MYO10: variants seen among roughly 807,000 people sequenced by gnomAD.
The protein encoded by MYO10 is unconventional myosin-X.
Under a neutral mutation model 257.3 loss-of-function variants are expected in MYO10, and 133 were observed. The observed-to-expected ratio is 0.52, with a 90% CI of 0.45 to 0.60. The LOEUF (loss-of-function observed/expected upper bound fraction) is 0.60. MYO10 is among the 20% of genes least tolerant of loss of function. The pLI is 0.00. For synonymous variants in MYO10, 1,104 were observed against 1,028.6 expected (o/e 1.07, Z -1.40); for missense variants, 2,399 against 2,635.7 (o/e 0.91, Z 1.97).
intron 2 of MYO10, among the ~76,000 whole-genome samples, chr5:16,860,193 T>C (rs994256661): frequency 6.6e-6 from 1 of 151,858 alleles, no homozygotes; most frequent in Non-Finnish European, 1.5e-5. Context: ...GGGAGAAAAA[T>C]GAGAGAAACA....
intron 2 of MYO10, among the ~76,000 whole-genome samples, chr5:16,867,657 G>T (rs1473780095): frequency 1.3e-5 from 2 of 152,316 alleles, no homozygotes; most frequent in East Asian, 3.9e-4. Context: ...GTCAGAGACG[G>T]CTTTAAGTGG....
Position 16,915,111 on chromosome 5 carries a change from C to T in MYO10, c.21+20677G>A, listed in dbSNP as rs145698574. Among the ~76,000 whole-genome samples the T allele has an allele frequency of 3.6e-3, 549 of 152,254 alleles. 4 individuals are homozygous for T. The highest frequency in any genetic ancestry group is 0.013 in the African/African-American group (530 of 41,534). On this transcript the variant is annotated intron_variant, in intron 1 of 40. Coordinates refer to ENST00000513610, the MANE Select transcript of MYO10 (RefSeq NM_012334.3). ...AAATGAAGAGGTGAGAATAGATGAT[C>T]GCTAATGGCCAACTGCAAAATAATA...
Position 16,935,833 on chromosome 5 carries a change from C to G in MYO10, c.-25G>C. On this transcript the variant is annotated 5_prime_UTR_variant, in exon 1 of 41. Transcript: ENST00000513610. ...TTGTTCCAGCGCAGTCCCGGACTCG[C>G]CGAGTGCCGCTCCGACTCGCGGAAG... is the stretch of plus-strand genomic sequence containing the variant. The G allele has an allele frequency of 1.2e-6, 2 of 1,612,164 alleles. No individual in the cohort carries two copies. Among genetic ancestry groups the G allele is most frequent in the Non-Finnish European group, 1.7e-6 (2 of 1,179,334 alleles).
chr5:16,802,546 A>ACT (rs950230160), intron 3 of MYO10, among the ~76,000 whole-genome samples: 1 of 151,030 alleles, frequency 6.6e-6, no homozygotes, highest in African/African-American at 2.4e-5. Context: ...AGTCCCAGCT[A>ACT]CTCAGGAGGC....
chr5:16,810,646 T>C (rs1742407824), intron 3 of MYO10, among the ~76,000 whole-genome samples: 1 of 152,058 alleles, frequency 6.6e-6, no homozygotes, highest in Non-Finnish European at 1.5e-5. Flanking sequence ...ATTTAAAAAT[T>C]AGCCAGGCGT....
chr5:16,804,020 T>C (rs1485347494), intron 3 of MYO10, among the ~76,000 whole-genome samples: 3 of 152,178 alleles, frequency 2.0e-5, no homozygotes, highest in Non-Finnish European at 4.4e-5. Flanking sequence ...CAATAAGATA[T>C]TGTCCCTACG....
chr5:16,738,074 T>C (rs931847422), intron 19 of MYO10: 33 of 946,898 alleles, frequency 3.5e-5, no homozygotes, highest in Non-Finnish European at 4.0e-5. Flanking sequence ...TTAAGGGAGA[T>C]GATGAGGCCA....
intron 3 of MYO10, among the ~76,000 whole-genome samples, chr5:16,807,958 A>G (rs1742326954): frequency 6.6e-6 from 1 of 152,176 alleles, no homozygotes; most frequent in Non-Finnish European, 1.5e-5. Flanking sequence ...TCTTTCAACA[A>G]GCCATTCCTG....
Position 16,762,081 on chromosome 5 carries a change from T to G in MYO10, c.1620A>C (p.Ala540=), listed in dbSNP as rs774305900. 3 of 1,412,916 alleles carry G rather than the reference T, an allele frequency of 2.1e-6. No individual in the cohort carries two copies. Among genetic ancestry groups the G allele is most frequent in the Non-Finnish European group, 1.9e-6 (2 of 1,066,496 alleles). The allele number at this position is 1,412,916 out of a possible 1,614,324, so 87.5% of individuals were successfully genotyped here. ...NNHFYVKPRV[A]VNNFGVKHYA... ...AGTGCTTCACTCCAAAATTGTTAAC[T>G]GCAACTCTGGGCTTCACATAAAAGT... Residue 540 remains alanine, a synonymous_variant, in exon 16 of 41, where the codon GCA becomes GCC. Coordinates refer to ENST00000513610, the MANE Select transcript of MYO10 (RefSeq NM_012334.3).
At chr5:16,779,078 A>C (rs1056587130) in intron 9 of MYO10, among the ~76,000 whole-genome samples, 1 of 152,160 alleles carries the variant, frequency 6.6e-6, no homozygotes, top group African/African-American at 2.4e-5. Flanking sequence ...ACAAGACCCC[A>C]GGTTTTAGCT....
intron 17 of MYO10, among the ~76,000 whole-genome samples, chr5:16,759,542 C>T (rs1054477728): frequency 6.6e-6 from 1 of 152,108 alleles, no homozygotes; most frequent in African/African-American, 2.4e-5. Flanking sequence ...GTGAACAGCC[C>T]CAGCTCCTCG....
intron 1 of MYO10, among the ~76,000 whole-genome samples, chr5:16,928,099 AT>A (rs1323377842): frequency 1.3e-4 from 20 of 152,336 alleles, no homozygotes; most frequent in African/African-American, 4.6e-4. Flanking sequence ...TCACTAATTA[AT>A]TGACAGCTGG....
intron 28 of MYO10, 39 bp downstream of exon 28, chr5:16,689,785 C>A (rs777026962): frequency 6.7e-7 from 1 of 1,488,970 alleles, no homozygotes; most frequent in Non-Finnish European, 9.4e-7. Context: ...CATGAGGGAG[C>A]AGGATGTGGG....
chr5:16,807,337 C>T (rs539580711), intron 3 of MYO10, among the ~76,000 whole-genome samples: 3 of 152,162 alleles, frequency 2.0e-5, no homozygotes, highest in Non-Finnish European at 4.4e-5. Flanking sequence ...CCACAGCCTA[C>T]CCAAATGAGT....
chr5:16,866,046 CACACACACACACAA>C (rs1744238722), intron 2 of MYO10, among the ~76,000 whole-genome samples: 1 of 151,122 alleles, frequency 6.6e-6, no homozygotes, highest in South Asian at 2.1e-4. Flanking sequence ...CACACACACA[CACACACACACACAA>C]AACAATAGAG....
At chr5:16,821,065 ATATAT>A (rs1265176899) in intron 2 of MYO10, among the ~76,000 whole-genome samples, 1 of 147,420 alleles carries the variant, frequency 6.8e-6, no homozygotes, top group Non-Finnish European at 1.5e-5. Context: ...ATAATATATA[ATATAT>A]AAGATGTTTT....
At chr5:16,835,290 C>G (rs906017811) in intron 2 of MYO10, among the ~76,000 whole-genome samples, 2 of 151,674 alleles carry the variant, frequency 1.3e-5, no homozygotes, top group African/African-American at 4.8e-5. Context: ...AATCCCAGCA[C>G]TTTGAGATAG....
At chr5:16,707,684 G>A (rs74511309) in intron 21 of MYO10, among the ~76,000 whole-genome samples, 195 of 152,308 alleles carry the variant, frequency 1.3e-3, no homozygotes, top group African/African-American at 4.6e-3. Context: ...AACCAGGAAG[G>A]AGAGGGACCA....
intron 19 of MYO10, among the ~76,000 whole-genome samples, chr5:16,752,244 G>A (rs926823686): frequency 1.3e-5 from 2 of 152,130 alleles, no homozygotes; most frequent in Non-Finnish European, 2.9e-5. Flanking sequence ...TGGCTCACCA[G>A]AAACTGTGAG....
Sources: gnomAD v4.1 joint callset for allele counts (sites outside exome capture counted in the v4.1 genomes callset) on GRCh38, gnomAD v4.1.1 for gene constraint, MANE v1.5 for transcripts, NCBI Gene and HGNC (gene_info 2026-07-23, HGNC 2026-07-21) for gene names.